Variants in DCST1 observed in about 807,000 individuals in gnomAD.
The protein encoded by DCST1 is DC-STAMP domain containing 1.
DCST1 carries 78 observed loss-of-function variants against 89.1 expected under a neutral mutation model. The ratio of observed to expected loss-of-function variants is 0.88; its 90% CI spans 0.73 to 1.06. The LOEUF (loss-of-function observed/expected upper bound fraction) is 1.06, where lower values mean the gene tolerates loss of function less well. DCST1 is among the 50% of genes least tolerant of loss of function. The pLI, the probability that DCST1 is intolerant of heterozygous loss-of-function variation, is 0.00. For missense variants in DCST1, 900 were observed against 928.6 expected, an observed-to-expected ratio of 0.97 and a Z score of 0.40; for synonymous variants, 364 against 371.9, an observed-to-expected ratio of 0.98 and a Z score of 0.24.
At chr1:155,042,076 G>C (rs148965431) in intron 8 of DCST1, among the ~76,000 whole-genome samples, 15 of 152,302 alleles carry the variant, frequency 9.8e-5, no homozygotes, top group African/African-American at 3.1e-4. Flanking sequence ...ATGCGCATGG[G>C]CAGAATAACA....
chr1:155,049,179 C>T, intron 16 of DCST1: 1 of 663,254 alleles, frequency 1.5e-6, no homozygotes, highest in South Asian at 1.7e-5. Context: ...GAGCACATGA[C>T]TTAACTGCTG....
chr1:155,038,138 G>T (rs1660327844), intron 4 of DCST1, among the ~76,000 whole-genome samples: 1 of 152,242 alleles, frequency 6.6e-6, no homozygotes, highest in African/African-American at 2.4e-5. Flanking sequence ...ACAGGGAGAG[G>T]AGTGCTCCTG....
chr1:155,036,494 C>T (rs184628679), intron 4 of DCST1, among the ~76,000 whole-genome samples: 134 of 152,204 alleles, frequency 8.8e-4, no homozygotes, highest in Non-Finnish European at 1.5e-3. Flanking sequence ...CCCTCCCCAT[C>T]CCTTGCGCCC....
At position 155,041,511 on chromosome 1, in the gene DCST1, G is replaced by T. The variant is rs1660439826; in HGVS notation, c.646G>T (p.Gly216Trp). ...GYTPEDTMDSGETAQGREARQ... is the reference protein window; with the variant it reads ...GYTPEDTMDSWETAQGREARQ... ...CACGCCTGAGGATACCATGGACTCA[G>T]GGGAGACAGCCCAGGGCAGGGAGGC... The change falls in exon 7 of 17, where the codon GGG becomes TGG. Residue 216 changes from glycine (G) to tryptophan (W), a missense_variant. Gly to Trp is a radical substitution (Grantham distance 184). Transcript: ENST00000295542. 6.2e-7 allele frequency: 1 copy of T among 1,613,952 alleles called. No homozygotes were observed. The highest frequency in any genetic ancestry group is 8.5e-7 in the Non-Finnish European group (1 of 1,180,036).
chr1:155,049,234 C>G, intron 16 of DCST1: 1 of 583,458 alleles, frequency 1.7e-6, no homozygotes. Flanking sequence ...ACTACTCCAT[C>G]TGGTTGTTTT....
At chr1:155,041,679 G>A (rs944403828) in intron 7 of DCST1, 35 bp from the exon 8 acceptor site, 1 of 1,614,030 alleles carries the variant, frequency 6.2e-7, no homozygotes, top group Non-Finnish European at 8.5e-7. Context: ...GGATCAAGAT[G>A]TGGGAACCTC....
Position 155,048,134 on chromosome 1 carries a change from C to T in DCST1, c.1833C>T (p.Ala611=), listed in dbSNP as rs201282501. Residue 611 remains alanine (A), a synonymous_variant, in exon 16 of 17, where the codon GCC becomes GCT. Transcript: ENST00000295542. ...KRAAFTKLRR[A]AILRRERQQK... is the part of the protein sequence containing the mutation. ...CAGCCTTCACCAAACTCAGGAGGGC[C>T]GCTATCCTGAGGCGGGAGCGACAGC... 15 of 1,614,048 alleles carry T rather than the reference C, an allele frequency of 9.3e-6. No individual in the cohort carries two copies. The highest frequency in any genetic ancestry group is 8.9e-5 in the East Asian group (4 of 44,888).
intron 8 of DCST1, 129 bp from the exon 9 acceptor site, chr1:155,042,606 T>C: frequency 8.0e-7 from 1 of 1,243,900 alleles, no homozygotes; most frequent in Non-Finnish European, 1.1e-6. Flanking sequence ...TCAGCATTGG[T>C]GTGGTAGCAA....
At chr1:155,044,285 C>A (rs1341333434) in intron 10 of DCST1, among the ~76,000 whole-genome samples, 1 of 152,016 alleles carries the variant, frequency 6.6e-6, no homozygotes, top group Non-Finnish European at 1.5e-5. Flanking sequence ...TGTTTGAGAC[C>A]AGCCTGGGTA....
At chr1:155,036,278 T>A (rs138320194) in intron 4 of DCST1, among the ~76,000 whole-genome samples, 1 of 152,164 alleles carries the variant, frequency 6.6e-6, no homozygotes, top group Non-Finnish European at 1.5e-5. Flanking sequence ...AGGAGACTAC[T>A]TTTTCTCTGA....
chr1:155,042,513 G>T (rs949158085), intron 8 of DCST1, among the ~76,000 whole-genome samples: 1 of 152,218 alleles, frequency 6.6e-6, no homozygotes, highest in Non-Finnish European at 1.5e-5. Flanking sequence ...GTTTGTTATG[G>T]TTGAGGATAG....
rs948184650 is a variant in DCST1, at chr1:155,039,421, G to A, written c.281G>A (p.Trp94Ter). Residue 94 changes from tryptophan (W) to a stop codon, truncating the protein, a stop_gained, in exon 5 of 17, where the codon TGG becomes TAG. Transcript: ENST00000295542. LOFTEE classifies it high-confidence loss of function. Reference sequence around the variant, plus strand: ...CTGACAGGCTTGGGGGCCATGGGCTGGGGGACCTCCCCTCACATCCGCTGT... The same window carrying A: ...CTGACAGGCTTGGGGGCCATGGGCTAGGGGACCTCCCCTCACATCCGCTGT... ...YSLVGLGAMGWGTSPHIRCAS... is the reference protein window; with the variant it reads ...YSLVGLGAMG The A allele has an allele frequency of 3.1e-6, 5 of 1,593,440 alleles. No homozygotes were observed. The African/African-American group carries it at 6.7e-5, about 21-fold the overall frequency.
At chr1:155,046,701 G>T (rs972327466) in intron 13 of DCST1, among the ~76,000 whole-genome samples, 1 of 141,188 alleles carries the variant, frequency 7.1e-6, no homozygotes, top group Admixed American at 7.8e-5. Context: ...CACCTCCCAG[G>T]TTCAAGCAGT....
rs1660188432 is a variant in DCST1, at chr1:155,034,000, A to G, written c.-37A>G. The G allele has an allele frequency of 6.2e-7, 1 of 1,613,496 alleles. No individual in the cohort carries two copies. Among genetic ancestry groups the G allele is most frequent in the South Asian group, 1.1e-5 (1 of 91,070 alleles). The stretch of plus-strand genomic sequence containing the variant: ...CTTGTGTCCAAGGAGGTCCTTCAGG[A>G]GACCTGGGATGAGTGGTGCTTCCCC... On this transcript the variant is annotated 5_prime_UTR_variant, in exon 2 of 17. Coordinates refer to ENST00000295542, the MANE Select transcript of DCST1 (RefSeq NM_152494.4).
At chr1:155,035,375 A>G in intron 4 of DCST1, 1 of 152,716 alleles carries the variant, frequency 6.5e-6, no homozygotes, top group Non-Finnish European at 1.5e-5. Context: ...TTGGCCAGGC[A>G]GGTCTCGAAC....
intron 4 of DCST1, among the ~76,000 whole-genome samples, chr1:155,039,142 A>G (rs938423139): frequency 2.6e-5 from 4 of 152,170 alleles, no homozygotes; most frequent in African/African-American, 4.8e-5. Context: ...AAACACACAC[A>G]AGTCAATCAT....
rs1660191769 is a variant in DCST1, at chr1:155,034,096, C to G, written c.60C>G (p.Thr20=). The part of the protein sequence containing the change: ...TRGQRRKQPH[T]TVQRLLTWGL... ...GGCAAAGAAGAAAACAGCCTCATACCAGTGAGTCACTCAGCAGAGACCCAG... is the reference window on the plus strand; with the variant it reads ...GGCAAAGAAGAAAACAGCCTCATACGAGTGAGTCACTCAGCAGAGACCCAG... The change falls in exon 2 of 17, where the codon ACC becomes ACG. Residue 20 remains threonine (T), a splice_region_variant and synonymous_variant. Coordinates refer to ENST00000295542, the MANE Select transcript of DCST1 (RefSeq NM_152494.4). 6.2e-7 allele frequency: 1 copy of G among 1,613,986 alleles called. No individual in the cohort carries two copies. Among genetic ancestry groups the G allele is most frequent in the Admixed American group, 1.7e-5 (1 of 59,986 alleles).
chr1:155,050,925 A>G lies in DCST1; in HGVS notation c.*57A>G. On this transcript the variant is annotated 3_prime_UTR_variant, in exon 17 of 17. Coordinates refer to ENST00000295542, the MANE Select transcript of DCST1 (RefSeq NM_152494.4). ...CTTCCCGGTTAATAAAATGCCCTGT[A>G]CGCTTCACGTGGGTCGGGGACTGGG... 1 of 1,575,564 alleles carries G rather than the reference A, an allele frequency of 6.3e-7. No individual in the cohort carries two copies. The highest frequency in any genetic ancestry group is 8.7e-7 in the Non-Finnish European group (1 of 1,154,598).
intron 4 of DCST1, among the ~76,000 whole-genome samples, chr1:155,037,269 C>G (rs1401996488): frequency 6.6e-6 from 1 of 152,112 alleles, no homozygotes; most frequent in Non-Finnish European, 1.5e-5. Flanking sequence ...GGAGTCTAGT[C>G]TACAGAGACC....
Sources: allele counts gnomAD v4.1 joint callset (sites outside exome capture counted in the v4.1 genomes callset), GRCh38; gene constraint gnomAD v4.1.1; transcripts MANE v1.5; gene names NCBI Gene and HGNC (gene_info 2026-07-23, HGNC 2026-07-21).